MARCHF7: variants seen among roughly 807,000 people sequenced by gnomAD.
MARCHF7 encodes the protein E3 ubiquitin-protein ligase MARCHF7.
Under a neutral mutation model 76.5 loss-of-function variants are expected in MARCHF7, and 20 were observed. The observed-to-expected ratio is 0.26, with a 90% CI of 0.18 to 0.38. The LOEUF (loss-of-function observed/expected upper bound fraction) is 0.38, where lower values mean the gene tolerates loss of function less well. MARCHF7 is among the 10% of genes least tolerant of loss of function. The probability of loss-of-function intolerance (pLI) is 1.00; values close to 1 mark genes in which losing one functional copy is unlikely to be tolerated. For synonymous variants in MARCHF7, 295 were observed against 293.0 expected (o/e 1.01, Z -0.07); for missense variants, 797 against 812.9 (o/e 0.98, Z 0.24).
intron 3 of MARCHF7, among the ~76,000 whole-genome samples, chr2:159,725,595 G>A (rs973587837): frequency 3.3e-5 from 5 of 152,102 alleles, no homozygotes; most frequent in Non-Finnish European, 7.3e-5. Flanking sequence ...TGTCAGATGG[G>A]TAGATTGCAA....
intron 8 of MARCHF7, among the ~76,000 whole-genome samples, chr2:159,755,539 A>C (rs1706188902): frequency 6.6e-6 from 1 of 152,158 alleles, no homozygotes; most frequent in East Asian, 1.9e-4. Flanking sequence ...TGTGGGGATA[A>C]AATGGCTATA....
chr2:159,750,027 A>G (rs1359012708), intron 7 of MARCHF7, among the ~76,000 whole-genome samples: 2 of 152,206 alleles, frequency 1.3e-5, no homozygotes, highest in South Asian at 2.1e-4. Flanking sequence ...TGATGCACAA[A>G]ATAATTTTTG....
Position 159,743,107 on chromosome 2 carries a change from A to C in MARCHF7, c.200A>C (p.Tyr67Ser), listed in dbSNP as rs1478559014. The C allele has an allele frequency of 1.2e-6, 2 of 1,614,070 alleles. No homozygotes were observed. The highest frequency in any genetic ancestry group is 3.3e-5 in the Admixed American group (2 of 60,000). Residue 67 changes from tyrosine to serine, a missense_variant, in exon 5 of 12, where the codon TAT (tyrosine) becomes TCT (serine). Tyr to Ser is a moderately radical substitution (Grantham distance 144). Around this residue, in one of 3 missense-constraint regions of MARCHF7, gnomAD observed 643 missense variants for 631.5 expected, o/e 1.02. Transcript: ENST00000409175. ...GCGTCACCATTTCAATCTGCATGGT[A>C]TAGTGAATCTGAGATAACTCAGGGA... ...ASASPFQSAW[Y>S]SESEITQGAR...
chr2:159,722,758 A>C (rs1010919641), intron 3 of MARCHF7, among the ~76,000 whole-genome samples: 3 of 152,238 alleles, frequency 2.0e-5, no homozygotes, highest in Admixed American at 1.3e-4. Context: ...CAAATTACAT[A>C]AGTTTTCATG....
Position 159,743,128 on chromosome 2 carries a change from A to G in MARCHF7, c.221A>G (p.Gln74Arg), listed in dbSNP as rs145980311. 2 of 1,614,130 alleles carry G rather than the reference A, an allele frequency of 1.2e-6. No individual in the cohort carries two copies. Among genetic ancestry groups the G allele is most frequent in the Non-Finnish European group, 1.7e-6 (2 of 1,180,038 alleles). ...TGGTATAGTGAATCTGAGATAACTCAGGGAGCACGCTCAAGATCGCAGAAC... is the reference window on the plus strand; with the variant it reads ...TGGTATAGTGAATCTGAGATAACTCGGGGAGCACGCTCAAGATCGCAGAAC... Reference protein sequence around the residue: ...SAWYSESEITQGARSRSQNQQ... With the variant: ...SAWYSESEITRGARSRSQNQQ... Residue 74 changes from glutamine (Q) to arginine (R), a missense_variant, in exon 5 of 12, where the codon CAG (glutamine) becomes CGG (arginine). Gln to Arg is a conservative substitution (Grantham distance 43, BLOSUM62 1). Coordinates refer to ENST00000409175, the MANE Select transcript of MARCHF7 (RefSeq NM_001282805.2).
rs567492154 is a variant in MARCHF7, at chr2:159,732,905, A to G, written c.153+3730A>G. ...GCGGTTTCTTCATACAGCCACATCTATATGTGAGATGTAAGATGAACAAGA... is the reference window on the plus strand; with the variant it reads ...GCGGTTTCTTCATACAGCCACATCTGTATGTGAGATGTAAGATGAACAAGA... On this transcript the variant is annotated intron_variant, in intron 4 of 11. Coordinates refer to ENST00000409175, the MANE Select transcript of MARCHF7 (RefSeq NM_001282805.2). The G allele has an allele frequency of 4.5e-5, 44 of 985,282 alleles. No individual in the cohort carries two copies. In the African/African-American group the frequency reaches 6.3e-4, roughly 14 times the overall value. 61.0% of individuals were successfully genotyped at this position (985,282 alleles called of 1,614,324 possible). A position where few individuals can be genotyped will look rare whatever the true frequency, so the allele number is the denominator to read the frequency against.
At chr2:159,721,709 A>C (rs536748703) in intron 3 of MARCHF7, among the ~76,000 whole-genome samples, 1 of 152,318 alleles carries the variant, frequency 6.6e-6, no homozygotes, top group Non-Finnish European at 1.5e-5. Context: ...CCCCTTCCTC[A>C]GTCATAGACT....
chr2:159,764,361 AAGAC>A (rs1386314471), intron 10 of MARCHF7, among the ~76,000 whole-genome samples: 2 of 151,890 alleles, frequency 1.3e-5, no homozygotes, highest in African/African-American at 4.8e-5. Context: ...TGTTTATAAG[AAGAC>A]AATATCATTG....
At chr2:159,764,462 C>G (rs544716546) in intron 10 of MARCHF7, among the ~76,000 whole-genome samples, 164 bp from the exon 11 acceptor site, 4 of 151,864 alleles carry the variant, frequency 2.6e-5, no homozygotes, top group African/African-American at 9.7e-5. Context: ...AAAATTAATG[C>G]CATTAAGCTT....
chr2:159,748,790 C>T lies in MARCHF7; in HGVS notation c.1500C>T (p.Val500=). 1 of 1,614,104 alleles carries T rather than the reference C, an allele frequency of 6.2e-7. No homozygotes were observed. The highest frequency in any genetic ancestry group is 8.5e-7 in the Non-Finnish European group (1 of 1,180,026). ...TTGGGAGTAATTTGACCGACAATGT[C>T]ATGATCACAGTAGATATTATTCCTT... is the stretch of plus-strand genomic sequence containing the variant. The part of the protein sequence containing the change: ...PALGSNLTDN[V]MITVDIIPSG... Residue 500 remains valine (V), a synonymous_variant, in exon 7 of 12, where the codon GTC becomes GTT. Transcript: ENST00000409175.
intron 4 of MARCHF7, among the ~76,000 whole-genome samples, chr2:159,742,280 T>G (rs1239442649): frequency 1.3e-5 from 2 of 152,054 alleles, no homozygotes; most frequent in Non-Finnish European, 2.9e-5. Flanking sequence ...ATACTGTTAC[T>G]AGTGTTGTAT....
chr2:159,743,249 A>G lies in MARCHF7; in HGVS notation c.342A>G (p.Leu114=), dbSNP rs745908341. ...ATGTTGGAAATGGTTTAAACACATT[A>G]TCAGGTAAGAATGAGTTTCTGTAGG... ...GRNVGNGLNT[L]SDSSWRHSQV... The change falls in exon 5 of 12, where the codon TTA becomes TTG. Residue 114 remains leucine, a synonymous_variant. Transcript: ENST00000409175. 1 of 1,612,772 alleles carries G rather than the reference A, an allele frequency of 6.2e-7. No homozygotes were observed. The highest frequency in any genetic ancestry group is 1.3e-5 in the African/African-American group (1 of 74,904).
Position 159,763,012 on chromosome 2 carries a change from G to T in MARCHF7, c.2007+19G>T. Reference sequence around the variant, plus strand: ...TGTCCGAGTAAGTAATAATGAAGTTGGGGAGAGGGAGGGTATGATGCAGCA... The same window carrying T: ...TGTCCGAGTAAGTAATAATGAAGTTTGGGAGAGGGAGGGTATGATGCAGCA... On this transcript the variant is annotated intron_variant, in intron 10 of 11. Coordinates refer to ENST00000409175, the MANE Select transcript of MARCHF7 (RefSeq NM_001282805.2). The T allele has an allele frequency of 6.5e-7, 1 of 1,543,506 alleles. No homozygotes were observed. The highest frequency in any genetic ancestry group is 1.1e-5 in the South Asian group (1 of 88,802).
chr2:159,742,953 T>C (rs1037692771), intron 4 of MARCHF7, 108 bp from the exon 5 acceptor site: 3 of 975,046 alleles, frequency 3.1e-6, no homozygotes, highest in Non-Finnish European at 3.0e-6. Flanking sequence ...AAAAAAGAAC[T>C]ACGTGGTAGA....
At chr2:159,718,843 T>C (rs1434931497) in intron 3 of MARCHF7, among the ~76,000 whole-genome samples, 2 of 152,068 alleles carry the variant, frequency 1.3e-5, no homozygotes, top group African/African-American at 4.8e-5. Flanking sequence ...GAAGGTACAG[T>C]ATAAGTAGAA....
chr2:159,759,444 T>TAAC, intron 9 of MARCHF7, 109 bp downstream of exon 9: 1 of 499,984 alleles, frequency 2.0e-6, no homozygotes, highest in Non-Finnish European at 3.6e-6. Context: ...ATAATAATAA[T>TAAC]AACAGTGATA....
chr2:159,764,510 A>G (rs1707527606), intron 10 of MARCHF7, 116 bp from the exon 11 acceptor site: 5 of 630,322 alleles, frequency 7.9e-6, no homozygotes, highest in Non-Finnish European at 1.2e-5. Context: ...ACCCCTATTT[A>G]AAGGCTTAAA....
In MARCHF7 at chr2:159,768,408, G is replaced by A. The variant is rs1219480618; in HGVS notation, c.*1066G>A. 1 of 152,456 alleles carries A rather than the reference G, an allele frequency of 6.6e-6. No homozygotes were observed. Among genetic ancestry groups the A allele is most frequent in the Non-Finnish European group, 1.5e-5 (1 of 67,986 alleles). The allele number at this position is 152,456 out of a possible 1,614,324, so 9.4% of individuals were successfully genotyped here. A position where few individuals can be genotyped will look rare whatever the true frequency, so the allele number is the denominator to read the frequency against. Reference sequence around the variant, plus strand: ...ATTTTTCTTCTGTCAGTACCCTTAGGATACACTTTAAAACACCTTAAGGTC... The same window carrying A: ...ATTTTTCTTCTGTCAGTACCCTTAGAATACACTTTAAAACACCTTAAGGTC... On this transcript the variant is annotated 3_prime_UTR_variant, in exon 12 of 12. Coordinates refer to ENST00000409175, the MANE Select transcript of MARCHF7 (RefSeq NM_001282805.2).
chr2:159,715,375 T>TTG (rs1468628489), intron 2 of MARCHF7, among the ~76,000 whole-genome samples: 2 of 151,516 alleles, frequency 1.3e-5, no homozygotes, highest in Non-Finnish European at 2.9e-5. Flanking sequence ...GGTAATAATT[T>TTG]TGTGTGTGTG....
Sources: allele counts gnomAD v4.1 joint callset (sites outside exome capture counted in the v4.1 genomes callset), GRCh38; gene constraint gnomAD v4.1.1; regional missense constraint gnomAD v4.1.1; transcripts MANE v1.5; gene names NCBI Gene and HGNC (gene_info 2026-07-23, HGNC 2026-07-21).